Variants in C10orf143 observed in about 807,000 individuals in gnomAD.
The protein encoded by C10orf143 is chromosome 10 open reading frame 143, also known as uncharacterized protein C10orf143.
intron 1 of C10orf143, chr10:130,106,140 T>G: frequency 2.6e-6 from 2 of 755,474 alleles, no homozygotes; most frequent in Non-Finnish European, 4.6e-6. Context: ...AGTATGAGAC[T>G]GGATTCGAAT....
intron 1 of C10orf143, chr10:130,106,007 C>A: frequency 2.2e-6 from 1 of 447,684 alleles, no homozygotes; most frequent in Non-Finnish European, 4.4e-6. Flanking sequence ...TTGTTGTGGC[C>A]GGGGTTACTG....
At chr10:130,108,720 G>C (rs1398391135) in intron 1 of C10orf143, among the ~76,000 whole-genome samples, 1 of 152,186 alleles carries the variant, frequency 6.6e-6, no homozygotes, top group East Asian at 1.9e-4. Context: ...TAATCTTGCA[G>C]GTGGGGAGGC....
At chr10:130,105,728 T>C (rs1321226674) in intron 1 of C10orf143, among the ~76,000 whole-genome samples, 1 of 150,804 alleles carries the variant, frequency 6.6e-6, no homozygotes, top group Non-Finnish European at 1.5e-5. Context: ...GAGACTCCGT[T>C]CCCCTCCCCC....
At chr10:130,059,438 T>C (rs1397560203), downstream of C10orf143, among the ~76,000 whole-genome samples, 1 of 152,164 alleles carries the variant, frequency 6.6e-6, no homozygotes, top group African/African-American at 2.4e-5. Flanking sequence ...TAAAGACACA[T>C]GCTCCAGTAG....
intron 1 of C10orf143, among the ~76,000 whole-genome samples, chr10:130,095,939 G>T (rs1046362408): frequency 6.6e-6 from 1 of 152,064 alleles, no homozygotes; most frequent in Non-Finnish European, 1.5e-5. Flanking sequence ...CAAAATTGAT[G>T]AATGGGATCT....
intron 1 of C10orf143, among the ~76,000 whole-genome samples, chr10:130,096,266 G>A (rs2477966): frequency 0.58 from 87,619 of 151,576 alleles, 26,751 homozygotes; most frequent in Admixed American, 0.7. Flanking sequence ...AGTTAGAACG[G>A]TGATCATTAA....
intron 3 of C10orf143, among the ~76,000 whole-genome samples, chr10:130,057,363 C>T (rs562204088): frequency 3.9e-4 from 60 of 152,322 alleles, no homozygotes; most frequent in African/African-American, 1.2e-3. Flanking sequence ...GCCCATTAAA[C>T]GCTAAATCCC....
intron 1 of C10orf143, among the ~76,000 whole-genome samples, chr10:130,098,241 T>A (rs1861493169): frequency 6.6e-6 from 1 of 152,098 alleles, no homozygotes. Context: ...GAGAATCACT[T>A]GAGCCCAGGA....
chr10:130,108,841 C>T (rs183173882), intron 1 of C10orf143, among the ~76,000 whole-genome samples: 2 of 152,266 alleles, frequency 1.3e-5, no homozygotes, highest in Admixed American at 6.5e-5. Context: ...TAAAGAAATT[C>T]AGATAATCCA....
intron 1 of C10orf143, chr10:130,107,820 C>T: frequency 8.0e-7 from 1 of 1,248,130 alleles, no homozygotes; most frequent in Non-Finnish European, 1.2e-6. Context: ...GACACTGGGT[C>T]CCTGTCACTT....
chr10:130,068,822 C>A (rs1275748860), intron 3 of C10orf143, among the ~76,000 whole-genome samples: 2 of 150,622 alleles, frequency 1.3e-5, no homozygotes, highest in Non-Finnish European at 3.0e-5. Context: ...CTAGTGAACA[C>A]AAAATCAATT....
chr10:130,099,421 G>A (rs1020307159), intron 1 of C10orf143, among the ~76,000 whole-genome samples: 5 of 152,122 alleles, frequency 3.3e-5, no homozygotes, highest in Admixed American at 6.6e-5. Context: ...AGGTTCTCAC[G>A]GCAAAGATCT....
intron 3 of C10orf143, among the ~76,000 whole-genome samples, chr10:130,047,010 C>T (rs966522002): frequency 2.0e-5 from 3 of 152,210 alleles, no homozygotes. Flanking sequence ...CAAGGAAAGG[C>T]GTTCACACTA....
intron 3 of C10orf143, among the ~76,000 whole-genome samples, chr10:130,050,653 G>A (rs1860726820): frequency 6.6e-6 from 1 of 152,078 alleles, no homozygotes; most frequent in African/African-American, 2.4e-5. Flanking sequence ...TATACATGCC[G>A]TTTCTACCTC....
At chr10:130,077,378 G>A (rs538028906) in intron 3 of C10orf143, among the ~76,000 whole-genome samples, 6 of 152,294 alleles carry the variant, frequency 3.9e-5, no homozygotes, top group African/African-American at 1.2e-4. Context: ...GACATCCTAC[G>A]AAGGTCAAAA....
intron 3 of C10orf143, among the ~76,000 whole-genome samples, chr10:130,050,603 G>A (rs1860726351): frequency 6.6e-6 from 1 of 152,114 alleles, no homozygotes; most frequent in Admixed American, 6.5e-5. Flanking sequence ...GGGTAGTAAG[G>A]CCTTAAAACA....
chr10:130,067,773 C>T (rs1187038818), intron 3 of C10orf143: 7 of 152,304 alleles, frequency 4.6e-5, no homozygotes, highest in African/African-American at 1.4e-4. Flanking sequence ...CGAGGGACAC[C>T]TGTCACACCC....
At chr10:130,103,127 AGCCACTAC>A (rs973904312) in intron 1 of C10orf143, among the ~76,000 whole-genome samples, 1 of 151,980 alleles carries the variant, frequency 6.6e-6, no homozygotes, top group African/African-American at 2.4e-5. Context: ...TACAGGCATG[AGCCACTAC>A]GCCCAGCTAA....
At chr10:130,062,634 TTGAGG>T (rs1346962146), downstream of C10orf143, among the ~76,000 whole-genome samples, 1 of 152,200 alleles carries the variant, frequency 6.6e-6, no homozygotes, top group Non-Finnish European at 1.5e-5. Flanking sequence ...TTCTCTACTT[TTGAGG>T]TTTTGGGACT....
Sources: allele counts gnomAD v4.1 joint callset (sites outside exome capture counted in the v4.1 genomes callset), GRCh38; gene constraint gnomAD v4.1.1; transcripts MANE v1.5; gene names NCBI Gene and HGNC (gene_info 2026-07-23, HGNC 2026-07-21).